The following SLC17A6 variants were observed in gnomAD, a reference collection of about 807,000 sequenced individuals.
SLC17A6 encodes the protein solute carrier family 17 member 6, also known as vesicular glutamate transporter 2.
Under a neutral mutation model 67.1 loss-of-function variants are expected in SLC17A6, and 35 were observed. The ratio of observed to expected loss-of-function variants is 0.52; its 90% CI spans 0.40 to 0.69. The LOEUF (loss-of-function observed/expected upper bound fraction) is 0.69. Among genes scored for constraint, SLC17A6 ranks in the 30% least tolerant of loss-of-function variants. The pLI is 0.00. For missense variants in SLC17A6, 588 were observed against 723.9 expected (o/e 0.81, Z 2.15); for synonymous variants, 285 against 252.3 (o/e 1.13, Z -1.23).
intron 8 of SLC17A6, among the ~76,000 whole-genome samples, chr11:22,373,487 C>T (rs900335050): frequency 5.3e-5 from 8 of 151,754 alleles, no homozygotes; most frequent in Non-Finnish European, 1.2e-4. Flanking sequence ...TGTCAGTTTA[C>T]CTGACATCTT....
chr11:22,340,298 C>A (rs555212388), intron 1 of SLC17A6, among the ~76,000 whole-genome samples: 3 of 152,292 alleles, frequency 2.0e-5, no homozygotes, highest in African/African-American at 7.2e-5. Context: ...AAGTATCAAT[C>A]GCAAGGGGCT....
In SLC17A6 at chr11:22,360,956, G is replaced by A; in HGVS notation, c.633G>A (p.Arg211=). The A allele has an allele frequency of 6.2e-7, 1 of 1,613,970 alleles. No individual in the cohort carries two copies. Among genetic ancestry groups the A allele is most frequent in the Non-Finnish European group, 8.5e-7 (1 of 1,179,878 alleles). The part of the protein sequence containing the change: ...IWSKWAPPLE[R]SRLATTSFCG... ...GCAAATGGGCCCCACCTCTAGAGAG[G>A]AGTAGACTGGCAACCACCTCCTTTT... is the stretch of plus-strand genomic sequence containing the variant. The change falls in exon 5 of 12, where the codon AGG becomes AGA. Residue 211 remains arginine (R), a synonymous_variant. Coordinates refer to ENST00000263160, the MANE Select transcript of SLC17A6 (RefSeq NM_020346.3).
In SLC17A6 at chr11:22,346,638, T is replaced by C. The variant is rs140183492; in HGVS notation, c.458+3273T>C. On this transcript the variant is annotated intron_variant, in intron 3 of 11. Transcript: ENST00000263160. ...GTTTTAAGATGAGAACATATTAATA[T>C]GGTAATAAAAAAATGTGGGGGGCAA... Among the ~76,000 whole-genome samples the C allele has an allele frequency of 1.4e-3, 199 of 144,600 alleles. 1 individual carries two copies. Among genetic ancestry groups the C allele is most frequent in the African/African-American group, 4.9e-3 (190 of 38,996 alleles). 94.9% of individuals were successfully genotyped at this position (144,600 alleles called of 152,430 possible).
chr11:22,363,441 C>A (rs1856074893), intron 6 of SLC17A6, among the ~76,000 whole-genome samples: 1 of 152,170 alleles, frequency 6.6e-6, no homozygotes, highest in Non-Finnish European at 1.5e-5. Flanking sequence ...TCCCTACAGT[C>A]TTTCTTTCTA....
At chr11:22,363,849 G>T (rs1564984132) in intron 6 of SLC17A6, among the ~76,000 whole-genome samples, 2 of 151,990 alleles carry the variant, frequency 1.3e-5, no homozygotes, top group Admixed American at 1.3e-4. Context: ...ATTTTCAAAG[G>T]AGTGCATAAT....
Position 22,378,277 on chromosome 11 carries a change from A to G in SLC17A6, c.*537A>G, listed in dbSNP as rs905006932. 7 of 153,072 alleles carry G rather than the reference A, an allele frequency of 4.6e-5. No homozygotes were observed. The highest frequency in any genetic ancestry group is 1.4e-4 in the African/African-American group (6 of 41,486). 9.5% of individuals were successfully genotyped at this position (153,072 alleles called of 1,614,324 possible). A position where few individuals can be genotyped will look rare whatever the true frequency, so the allele number is the denominator to read the frequency against. ...TGTACTGAATAACTATTAGAATTGC[A>G]TAATGTGAGATATTTTGTTAGTCCT... On this transcript the variant is annotated 3_prime_UTR_variant, in exon 12 of 12. Transcript: ENST00000263160.
chr11:22,361,793 A>T (rs1856055023), intron 5 of SLC17A6, among the ~76,000 whole-genome samples: 1 of 152,200 alleles, frequency 6.6e-6, no homozygotes, highest in Non-Finnish European at 1.5e-5. Flanking sequence ...TTCAGAATGC[A>T]CGTTTTACTC....
intron 11 of SLC17A6, 129 bp from the exon 12 acceptor site, chr11:22,377,276 T>A (rs769338675): frequency 1.4e-6 from 1 of 697,954 alleles, no homozygotes; most frequent in Non-Finnish European, 2.3e-6. Flanking sequence ...TTGCTTTACA[T>A]AATCAGGATA....
intron 3 of SLC17A6, among the ~76,000 whole-genome samples, chr11:22,358,384 A>G (rs1280541367): frequency 6.6e-6 from 1 of 152,160 alleles, no homozygotes; most frequent in Non-Finnish European, 1.5e-5. Context: ...CCAGGATGCA[A>G]TGGTGCGATC....
intron 7 of SLC17A6, among the ~76,000 whole-genome samples, chr11:22,366,942 G>A (rs1003584496): frequency 4.2e-5 from 6 of 144,432 alleles, no homozygotes; most frequent in Admixed American, 1.5e-4. Context: ...GGAGGTGGAG[G>A]TTGCAGTGAG....
intron 9 of SLC17A6, 150 bp downstream of exon 9, chr11:22,375,037 A>T: frequency 1.2e-6 from 1 of 835,682 alleles, no homozygotes; most frequent in Non-Finnish European, 1.8e-6. Flanking sequence ...CTCATATTAC[A>T]TCAAATTTTT....
chr11:22,338,907 T>C (rs1362773791), intron 1 of SLC17A6, among the ~76,000 whole-genome samples: 1 of 150,978 alleles, frequency 6.6e-6, no homozygotes, highest in African/African-American at 2.4e-5. Flanking sequence ...ACAGGATTTA[T>C]CTTCTTTACA....
In SLC17A6 at chr11:22,341,541, A is replaced by C. The variant is rs1331862982; in HGVS notation, c.100A>C (p.Lys34Gln). The change falls in exon 2 of 12, where the codon AAG becomes CAG. Residue 34 changes from lysine to glutamine, a missense_variant. Coordinates refer to ENST00000263160, the MANE Select transcript of SLC17A6 (RefSeq NM_020346.3). ...TCTGCCGCGCAGGGTGCTGGAGAAGAAGCAAGACACCGGGGAGACAATCGA... is the reference window on the plus strand; with the variant it reads ...TCTGCCGCGCAGGGTGCTGGAGAAGCAGCAAGACACCGGGGAGACAATCGA... ...LGQIYRVLEK[K>Q]QDTGETIELT... The C allele has an allele frequency of 1.4e-5, 22 of 1,613,592 alleles. No homozygotes were observed. The highest frequency in any genetic ancestry group is 1.9e-5 in the Non-Finnish European group (22 of 1,179,984).
intron 9 of SLC17A6, among the ~76,000 whole-genome samples, chr11:22,375,536 G>A (rs1319831295): frequency 4.6e-5 from 7 of 151,636 alleles, no homozygotes; most frequent in East Asian, 2.0e-4. Flanking sequence ...GCTGGAGTGC[G>A]ATGGCATGAT....
At chr11:22,349,529 A>G (rs1214365525) in intron 3 of SLC17A6, among the ~76,000 whole-genome samples, 2 of 152,126 alleles carry the variant, frequency 1.3e-5, no homozygotes, top group Non-Finnish European at 2.9e-5. Flanking sequence ...TCATTCTCCA[A>G]TCCCTTACCC....
At chr11:22,374,056 A>G (rs1856203429) in intron 8 of SLC17A6, among the ~76,000 whole-genome samples, 1 of 152,182 alleles carries the variant, frequency 6.6e-6, no homozygotes, top group Admixed American at 6.5e-5. Context: ...TTTTATGTAT[A>G]CTTACTGTCC....
chr11:22,364,992 C>T (rs916846188), intron 6 of SLC17A6, among the ~76,000 whole-genome samples: 4 of 152,052 alleles, frequency 2.6e-5, no homozygotes, highest in African/African-American at 9.7e-5. Flanking sequence ...AGTACAGAGG[C>T]CCACTTTTTA....
rs1385699839 is a variant in SLC17A6, at chr11:22,339,387, T to C, written c.86+768T>C. 4.6e-5 allele frequency among the ~76,000 whole-genome samples: 7 copies of C among 151,700 alleles called. No homozygotes were observed. In the South Asian group the frequency reaches 1.5e-3, roughly 31 times the overall value. ...TGCATTTTTAATTATTTTCATCTCC[T>C]AGAGTCTATTTCTTGCATAGGAAAT... On this transcript the variant is annotated intron_variant, in intron 1 of 11. Transcript: ENST00000263160.
intron 11 of SLC17A6, 46 bp from the exon 12 acceptor site, chr11:22,377,359 A>C: frequency 6.6e-7 from 1 of 1,513,034 alleles, no homozygotes. Flanking sequence ...TAGGCGTTTA[A>C]ATCATGGGGA....
Sources: allele counts gnomAD v4.1 joint callset (sites outside exome capture counted in the v4.1 genomes callset), GRCh38; gene constraint gnomAD v4.1.1; transcripts MANE v1.5; gene names NCBI Gene and HGNC (gene_info 2026-07-23, HGNC 2026-07-21).